The following PALLD variants were observed in gnomAD, a reference collection of about 807,000 sequenced individuals.
PALLD encodes the protein palladin, cytoskeletal associated protein.
A neutral mutation model predicts 123.5 loss-of-function variants in PALLD; 61 were observed. The ratio of observed to expected loss-of-function variants is 0.49; its 90% CI spans 0.40 to 0.61. The LOEUF is 0.61. Among genes scored for constraint, PALLD ranks in the 20% least tolerant of loss-of-function variants. The pLI, the probability that PALLD is intolerant of heterozygous loss-of-function variation, is 0.00. For missense variants in PALLD, 1,273 were observed against 1,377.0 expected (o/e 0.92, Z 1.20); for synonymous variants, 465 against 496.4 (o/e 0.94, Z 0.84).
chr4:168,855,117 A>T (rs1581776406), intron 10 of PALLD, among the ~76,000 whole-genome samples: 1 of 119,650 alleles, frequency 8.4e-6, no homozygotes, highest in African/African-American at 3.4e-5. Context: ...TTTGAGACGG[A>T]GTCTCACTCT....
chr4:168,785,058 CTTTTTTTTTTTTTTTT>C (rs746597278), intron 10 of PALLD, among the ~76,000 whole-genome samples: 19 of 84,794 alleles, frequency 2.2e-4, no homozygotes, highest in Admixed American at 8.9e-4. Flanking sequence ...CTCCCTTTTG[CTTTTTTTTTTTTTTTT>C]TTTTTTTTTT....
intron 2 of PALLD, among the ~76,000 whole-genome samples, chr4:168,591,081 G>A (rs1771378412): frequency 6.6e-6 from 1 of 152,056 alleles, no homozygotes; most frequent in Admixed American, 6.6e-5. Flanking sequence ...GTTTCGCCAT[G>A]TTGGCCAAGC....
At chr4:168,698,407 A>G (rs571791713) in intron 8 of PALLD, among the ~76,000 whole-genome samples, 72 of 152,212 alleles carry the variant, frequency 4.7e-4, no homozygotes, top group Non-Finnish European at 8.5e-4. Flanking sequence ...TAAAAGAATA[A>G]ATATTATAGG....
In PALLD at chr4:168,925,071, C is replaced by T. The variant is rs115937217; in HGVS notation, c.3351C>T (p.Asp1117=). Reference sequence around the variant, plus strand: ...TTGTGTCCTGTACTGCCAGGCTGGACGTTTACAGTGAGTGCCACTTCATCT... The same window carrying T: ...TTGTGTCCTGTACTGCCAGGCTGGATGTTTACAGTGAGTGCCACTTCATCT... The part of the protein sequence containing the change: ...AGIVSCTARL[D]VYISRH The change falls in exon 20 of 22, where the codon GAC becomes GAT. Residue 1117 remains aspartate (D), a synonymous_variant. Coordinates refer to ENST00000505667, the MANE Select transcript of PALLD (RefSeq NM_001166108.2). 3.5e-5 allele frequency: 57 copies of T among 1,613,998 alleles called. No homozygotes were observed. The African/African-American group carries it at 3.9e-4, about 11-fold the overall frequency.
intron 13 of PALLD, among the ~76,000 whole-genome samples, chr4:168,896,830 T>G (rs1307670687): frequency 1.3e-5 from 2 of 152,052 alleles, no homozygotes; most frequent in African/African-American, 2.4e-5. Flanking sequence ...ATGTATTTAT[T>G]TATTTATTTA....
At chr4:168,578,383 C>T (rs1769865034) in intron 2 of PALLD, among the ~76,000 whole-genome samples, 1 of 151,970 alleles carries the variant, frequency 6.6e-6, no homozygotes, top group Admixed American at 6.6e-5. Context: ...CTCATGCTGT[C>T]CTTGTGATAG....
intron 17 of PALLD, among the ~76,000 whole-genome samples, chr4:168,918,572 A>G (rs995217056): frequency 2.0e-5 from 3 of 152,182 alleles, no homozygotes; most frequent in African/African-American, 7.2e-5. Flanking sequence ...AAAGCATATA[A>G]AATTTCAGAC....
chr4:168,632,076 TG>T (rs1208835411), intron 2 of PALLD, among the ~76,000 whole-genome samples: 3 of 79,778 alleles, frequency 3.8e-5, no homozygotes, highest in South Asian at 4.4e-4. Context: ...GACTCCTCTT[TG>T]GGGGTTGGCG....
chr4:168,711,468 T>G (rs184530722), intron 9 of PALLD, 113 bp from the exon 10 acceptor site: 68 of 822,060 alleles, frequency 8.3e-5, no homozygotes, highest in African/African-American at 7.8e-4. Flanking sequence ...CAATCACCTC[T>G]TCTTTAACAA....
In PALLD at chr4:168,774,639, A is replaced by G. The variant is rs140185013; in HGVS notation, c.1964+62716A>G. The stretch of plus-strand genomic sequence containing the variant: ...GCTACTTGAGGCACTAAGGCATGAG[A>G]ATTGCGTGAACCTGGGAGGTGGAGG... On this transcript the variant is annotated intron_variant, in intron 10 of 21. Coordinates refer to ENST00000505667, the MANE Select transcript of PALLD (RefSeq NM_001166108.2). 5.6e-3 allele frequency among the ~76,000 whole-genome samples: 844 copies of G among 150,304 alleles called. 10 individuals carry two copies. The highest frequency in any genetic ancestry group is 0.019 in the African/African-American group (767 of 40,582).
At chr4:168,868,393 G>C (rs981576777) in intron 10 of PALLD, among the ~76,000 whole-genome samples, 1 of 152,154 alleles carries the variant, frequency 6.6e-6, no homozygotes, top group Non-Finnish European at 1.5e-5. Flanking sequence ...GCCACACTTG[G>C]AGTTTCAGGA....
intron 2 of PALLD, among the ~76,000 whole-genome samples, chr4:168,543,738 G>C (rs1030355165): frequency 6.6e-6 from 1 of 152,138 alleles, no homozygotes; most frequent in South Asian, 2.1e-4. Context: ...GACACTATTG[G>C]CTCCCTCCAG....
intron 2 of PALLD, among the ~76,000 whole-genome samples, chr4:168,555,267 G>A (rs929682207): frequency 6.6e-6 from 1 of 152,182 alleles, no homozygotes; most frequent in East Asian, 1.9e-4. Context: ...GGCTGATTAG[G>A]AACGGAGCAT....
intron 10 of PALLD, among the ~76,000 whole-genome samples, chr4:168,849,913 A>G (rs1047380614): frequency 2.6e-5 from 4 of 152,160 alleles, no homozygotes; most frequent in Non-Finnish European, 4.4e-5. Flanking sequence ...ACCTCCATTA[A>G]AAGAGATGCC....
intron 10 of PALLD, among the ~76,000 whole-genome samples, chr4:168,733,937 A>T (rs183679975): frequency 3.0e-4 from 45 of 152,178 alleles, no homozygotes; most frequent in South Asian, 1.9e-3. Context: ...GGGTTTCACC[A>T]TGTTAGCCAG....
At chr4:168,544,193 CTGAT>C (rs1398135182) in intron 2 of PALLD, among the ~76,000 whole-genome samples, 4 of 152,210 alleles carry the variant, frequency 2.6e-5, no homozygotes, top group Admixed American at 2.0e-4. Flanking sequence ...CTGATATATA[CTGAT>C]TATTAGATGA....
intron 10 of PALLD, among the ~76,000 whole-genome samples, chr4:168,748,184 A>G (rs1460829439): frequency 6.6e-6 from 1 of 152,256 alleles, no homozygotes; most frequent in Non-Finnish European, 1.5e-5. Flanking sequence ...TACAAAACAC[A>G]TTAGTAGACA....
At position 168,830,852 on chromosome 4, in the gene PALLD, A is replaced by G. The variant is rs138636933; in HGVS notation, c.1965-60070A>G. ...AATGACGGCAGGATACAGTTACAGT[A>G]CTAAACCCTTTAAACAAGTGGTCTA... is the stretch of plus-strand genomic sequence containing the variant. On this transcript the variant is annotated intron_variant, in intron 10 of 21. Transcript: ENST00000505667. Among the ~76,000 whole-genome samples, 60 of 152,360 alleles carry G rather than the reference A, an allele frequency of 3.9e-4. No homozygotes were observed. In the East Asian group the frequency reaches 0.01, roughly 26 times the overall value.
intron 2 of PALLD, among the ~76,000 whole-genome samples, chr4:168,626,257 G>A (rs1038199533): frequency 1.3e-5 from 2 of 151,758 alleles, no homozygotes; most frequent in Non-Finnish European, 2.9e-5. Context: ...AAGAAATTAG[G>A]CGGGCGTGGT....
Sources: gnomAD v4.1 joint callset for allele counts (sites outside exome capture counted in the v4.1 genomes callset) on GRCh38, gnomAD v4.1.1 for gene constraint, MANE v1.5 for transcripts, NCBI Gene and HGNC (gene_info 2026-07-23, HGNC 2026-07-21) for gene names.